Variants in DOCK1 observed in about 807,000 individuals in gnomAD.
The protein encoded by DOCK1 is dedicator of cytokinesis protein 1.
In DOCK1, 138 loss-of-function variants were observed where a neutral mutation model predicts 262.7. The observed-to-expected ratio is 0.53, with a 90% CI of 0.46 to 0.61. The LOEUF is 0.61. Ranked by LOEUF, DOCK1 falls within the 20% of genes least tolerant of loss-of-function variation. The pLI, the probability that DOCK1 is intolerant of heterozygous loss-of-function variation, is 0.00. For missense variants in DOCK1, 1,908 were observed against 2,370.7 expected, an observed-to-expected ratio of 0.80 and a Z score of 4.05; for synonymous variants, 866 against 867.4, an observed-to-expected ratio of 1.00 and a Z score of 0.03.
chr10:127,007,011 C>T (rs1035690172), intron 10 of DOCK1, among the ~76,000 whole-genome samples: 2 of 152,122 alleles, frequency 1.3e-5, no homozygotes, highest in African/African-American at 4.8e-5. Context: ...TGCAGTCAGT[C>T]GCGTGTGGGT....
chr10:127,008,929 A>T lies in DOCK1; in HGVS notation c.1058+125A>T, dbSNP rs531637774. The T allele has an allele frequency of 3.8e-5, 37 of 980,972 alleles. No homozygotes were observed. In the East Asian group the frequency reaches 9.1e-4, roughly 24 times the overall value. The allele number at this position is 980,972 out of a possible 1,614,324, so 60.8% of individuals were successfully genotyped here. A position where few individuals can be genotyped will look rare whatever the true frequency, so the allele number is the denominator to read the frequency against. On this transcript the variant is annotated intron_variant, in intron 11 of 51. Transcript: ENST00000623213. The stretch of plus-strand genomic sequence containing the variant: ...ATTGATTATTTTGTAATTATGAAAA[A>T]CCTCTTTAGTCACTGCTGTAGTACA...
rs1269100059 is a variant in DOCK1 at position 127,192,061 on chromosome 10, G to A, written c.2848-55947G>A. Reference sequence around the variant, plus strand: ...TTCAACAAGCATTTTGATATGGTGGGGTTTTCTTTTGTTTCTTTACCATTC... The same window carrying A: ...TTCAACAAGCATTTTGATATGGTGGAGTTTTCTTTTGTTTCTTTACCATTC... On this transcript the variant is annotated intron_variant, in intron 27 of 51. Coordinates refer to ENST00000623213, the MANE Select transcript of DOCK1 (RefSeq NM_001290223.2). Among the ~76,000 whole-genome samples, 4 of 152,242 alleles carry A rather than the reference G, an allele frequency of 2.6e-5. No individual in the cohort carries two copies. The East Asian group carries it at 7.7e-4, about 29-fold the overall frequency.
At chr10:127,429,303 C>T (rs947962923) in intron 47 of DOCK1, among the ~76,000 whole-genome samples, 1 of 152,076 alleles carries the variant, frequency 6.6e-6, no homozygotes, top group Non-Finnish European at 1.5e-5. Flanking sequence ...CCTGCTCCAT[C>T]CTTTGACCGC....
chr10:126,992,715 G>A (rs982910801), intron 6 of DOCK1, among the ~76,000 whole-genome samples: 2 of 82,528 alleles, frequency 2.4e-5, no homozygotes, highest in African/African-American at 5.2e-5. Flanking sequence ...ACAAACACAG[G>A]CACACAGACC....
At chr10:127,451,226 T>G in intron 51 of DOCK1, 106 bp from the exon 52 acceptor site, 1 of 1,258,662 alleles carries the variant, frequency 7.9e-7, no homozygotes, top group Non-Finnish European at 1.1e-6. Context: ...GTGGGGAGGA[T>G]GGTTCCGGCT....
At chr10:127,173,205 T>C (rs2054745000) in intron 27 of DOCK1, among the ~76,000 whole-genome samples, 2 of 152,046 alleles carry the variant, frequency 1.3e-5, no homozygotes, top group African/African-American at 4.8e-5. Flanking sequence ...GCCACTAGGC[T>C]GAACACATTA....
intron 27 of DOCK1, among the ~76,000 whole-genome samples, chr10:127,148,030 CAAAAAAAAAAAAAA>C (rs57503481): frequency 3.2e-5 from 2 of 63,318 alleles, no homozygotes; most frequent in South Asian, 2.2e-3. Context: ...GACTCTGTCT[CAAAAAAAAAAAAAA>C]AAAAAAAAAA....
At chr10:127,294,329 T>G (rs567521770) in intron 29 of DOCK1, among the ~76,000 whole-genome samples, 15 of 152,334 alleles carry the variant, frequency 9.8e-5, no homozygotes, top group South Asian at 2.1e-4. Flanking sequence ...TTGTTTTTTG[T>G]TTTTTGTTTT....
intron 30 of DOCK1, among the ~76,000 whole-genome samples, chr10:127,341,804 A>T (rs1287406754): frequency 6.6e-6 from 1 of 152,176 alleles, no homozygotes; most frequent in Non-Finnish European, 1.5e-5. Flanking sequence ...GGCAGGTGTG[A>T]CACACATATT....
intron 1 of DOCK1, among the ~76,000 whole-genome samples, chr10:126,907,909 AAAAAT>A (rs1442346231): frequency 1.3e-5 from 2 of 152,350 alleles, no homozygotes. Context: ...TAAAAAAAGA[AAAAAT>A]AGAAAACTGT....
chr10:127,438,047 G>C (rs1457037615), intron 48 of DOCK1, among the ~76,000 whole-genome samples: 1 of 152,188 alleles, frequency 6.6e-6, no homozygotes, highest in Admixed American at 6.5e-5. Flanking sequence ...TTCCACGTGA[G>C]TTATGCTATA....
intron 8 of DOCK1, 176 bp downstream of exon 8, chr10:126,998,425 C>T: frequency 3.8e-6 from 3 of 781,804 alleles, no homozygotes; most frequent in Non-Finnish European, 4.0e-6. Flanking sequence ...CCAGGTTGGG[C>T]TCTGGGTCAG....
At chr10:127,099,482 G>T (rs1311275650) in intron 23 of DOCK1, among the ~76,000 whole-genome samples, 2 of 152,136 alleles carry the variant, frequency 1.3e-5, no homozygotes, top group East Asian at 1.9e-4. Context: ...GTTCTGCAGG[G>T]TGCACAGGAA....
intron 50 of DOCK1, among the ~76,000 whole-genome samples, chr10:127,445,530 A>C (rs10830066): frequency 0.33 from 49,947 of 152,076 alleles, 8,520 homozygotes; most frequent in East Asian, 0.44. Flanking sequence ...CTTTCTAAAA[A>C]TGTGTTTAAA....
chr10:127,108,158 A>G (rs572344549), intron 24 of DOCK1, among the ~76,000 whole-genome samples: 4 of 152,176 alleles, frequency 2.6e-5, no homozygotes, highest in Admixed American at 2.0e-4. Flanking sequence ...ATTTGTTTCT[A>G]TTTAGAAAAT....
At chr10:127,092,945 C>T (rs1038569884) in intron 23 of DOCK1, among the ~76,000 whole-genome samples, 5 of 152,168 alleles carry the variant, frequency 3.3e-5, no homozygotes, top group South Asian at 2.1e-4. Context: ...ACAATACAAA[C>T]GAGGGGCTTC....
In DOCK1 at chr10:127,339,648, T is replaced by TGTGC. The variant is rs372483692; in HGVS notation, c.3123+565_3123+566insTGCG. On this transcript the variant is annotated intron_variant, in intron 30 of 51. Transcript: ENST00000623213. ...GTTTGTGTGTGTGTGTGTGTGTGTGTGCGCGCGCGCATGCATGCTGTAAGG... is the reference window on the plus strand; with the variant it reads ...GTTTGTGTGTGTGTGTGTGTGTGTGTGTGCGCGCGCGCGCATGCATGCTGTAAGG... Among the ~76,000 whole-genome samples the TGTGC allele has an allele frequency of 2.2e-3, 318 of 143,888 alleles. 1 individual carries two copies. Among genetic ancestry groups the TGTGC allele is most frequent in the African/African-American group, 3.2e-3 (117 of 37,098 alleles). 94.4% of individuals were successfully genotyped at this position (143,888 alleles called of 152,430 possible).
intron 27 of DOCK1, among the ~76,000 whole-genome samples, chr10:127,142,286 G>A (rs1223657910): frequency 6.6e-6 from 1 of 152,210 alleles, no homozygotes; most frequent in Non-Finnish European, 1.5e-5. Context: ...CCTTGTTGTG[G>A]TTTCTGAGGA....
chr10:127,226,328 A>G (rs1255095082), intron 27 of DOCK1, among the ~76,000 whole-genome samples: 1 of 152,142 alleles, frequency 6.6e-6, no homozygotes, highest in Non-Finnish European at 1.5e-5. Flanking sequence ...TCAGTGAAGG[A>G]TCAAACAAGA....
Sources: gnomAD v4.1 joint callset for allele counts (sites outside exome capture counted in the v4.1 genomes callset) on GRCh38, gnomAD v4.1.1 for gene constraint, MANE v1.5 for transcripts, NCBI Gene and HGNC (gene_info 2026-07-23, HGNC 2026-07-21) for gene names.